TMEM131: variants seen among roughly 807,000 people sequenced by gnomAD.
The protein encoded by TMEM131 is transmembrane protein 131, also known as 2610524E03Rik.
Under a neutral mutation model 211.6 loss-of-function variants are expected in TMEM131, and 66 were observed. That is an observed-to-expected ratio of 0.31 (90% confidence interval 0.26 to 0.38). The LOEUF (loss-of-function observed/expected upper bound fraction) is 0.38, where lower values mean the gene tolerates loss of function less well. Ranked by LOEUF, TMEM131 falls within the 10% of genes least tolerant of loss-of-function variation. TMEM131 has a pLI of 1.00. For synonymous variants in TMEM131, 844 were observed against 841.3 expected, an observed-to-expected ratio of 1.00 and a Z score of -0.06; for missense variants, 2,036 against 2,299.3, an observed-to-expected ratio of 0.89 and a Z score of 2.34.
chr2:97,801,982 A>G, intron 24 of TMEM131, 21 bp from the exon 25 acceptor site: 10 of 1,530,350 alleles, frequency 6.5e-6, no homozygotes, highest in Non-Finnish European at 9.0e-6. Flanking sequence ...AAATGTACAC[A>G]TATTTATTCA....
intron 31 of TMEM131, among the ~76,000 whole-genome samples, chr2:97,781,025 C>T (rs774408201): frequency 7.9e-5 from 12 of 151,948 alleles, no homozygotes; most frequent in East Asian, 1.9e-4. Flanking sequence ...CCTGCTCCCA[C>T]GATCTCCACA....
chr2:97,884,256 A>C (rs1391665885), intron 4 of TMEM131, among the ~76,000 whole-genome samples: 1 of 152,176 alleles, frequency 6.6e-6, no homozygotes, highest in East Asian at 1.9e-4. Flanking sequence ...ATCGATTTCT[A>C]GTTTTAAATT....
chr2:97,785,137 A>C (rs1196738208), intron 31 of TMEM131, among the ~76,000 whole-genome samples: 6 of 152,162 alleles, frequency 3.9e-5, no homozygotes. Flanking sequence ...TCTTCCCCCC[A>C]CTTTAAGTCA....
At chr2:97,963,877 T>C (rs1159637602) in intron 1 of TMEM131, among the ~76,000 whole-genome samples, 1 of 152,368 alleles carries the variant, frequency 6.6e-6, no homozygotes, top group East Asian at 1.9e-4. Context: ...TGCAAATGCA[T>C]AGTGGTAAAT....
At chr2:97,976,936 C>A in intron 1 of TMEM131, among the ~76,000 whole-genome samples, 1 of 123,674 alleles carries the variant, frequency 8.1e-6, no homozygotes, top group Non-Finnish European at 1.6e-5. Context: ...TTAATAGACA[C>A]TAGAAGAACT....
chr2:97,828,406 G>A (rs1425974847), intron 11 of TMEM131, among the ~76,000 whole-genome samples: 2 of 151,746 alleles, frequency 1.3e-5, no homozygotes, highest in Admixed American at 6.6e-5. Context: ...ATCAGACATA[G>A]GGTCTGTGCC....
intron 1 of TMEM131, among the ~76,000 whole-genome samples, chr2:97,972,930 C>T (rs1679370268): frequency 6.6e-6 from 1 of 152,176 alleles, no homozygotes; most frequent in Non-Finnish European, 1.5e-5. Context: ...GAAAGAAATA[C>T]AGTCCTACAA....
intron 1 of TMEM131, among the ~76,000 whole-genome samples, chr2:97,982,443 A>C (rs1473835314): frequency 6.6e-6 from 1 of 151,636 alleles, no homozygotes; most frequent in Non-Finnish European, 1.5e-5. Flanking sequence ...ATTTGCGAAA[A>C]TTTTTCTTCC....
At chr2:97,901,189 A>T (rs944767038) in intron 3 of TMEM131, among the ~76,000 whole-genome samples, 1 of 152,174 alleles carries the variant, frequency 6.6e-6, no homozygotes, top group Non-Finnish European at 1.5e-5. Flanking sequence ...GCTCATATAT[A>T]GGACAGTGGG....
Position 97,795,599 on chromosome 2 carries a change from G to T in TMEM131, c.3201-484C>A, listed in dbSNP as rs192066533. On this transcript the variant is annotated intron_variant, in intron 28 of 40. Coordinates refer to ENST00000186436, the MANE Select transcript of TMEM131 (RefSeq NM_015348.2). ...GAGGAAAGGTGTCTTATTCCTCATT[G>T]CATCTTTAGGTGTCAAACATTATGC... Among the ~76,000 whole-genome samples, 235 of 152,120 alleles carry T rather than the reference G, an allele frequency of 1.5e-3. 2 individuals are homozygous for T. The highest frequency in any genetic ancestry group is 5.5e-3 in the African/African-American group (228 of 41,510).
chr2:97,932,779 G>C (rs1677283396), intron 1 of TMEM131, among the ~76,000 whole-genome samples: 1 of 151,602 alleles, frequency 6.6e-6, no homozygotes, highest in African/African-American at 2.4e-5. Flanking sequence ...TAAAAACTAA[G>C]CTATTACTGG....
At chr2:97,789,803 G>C (rs1299448007) in intron 31 of TMEM131, among the ~76,000 whole-genome samples, 1 of 152,182 alleles carries the variant, frequency 6.6e-6, no homozygotes, top group Non-Finnish European at 1.5e-5. Context: ...AGAAACCAAA[G>C]AAGTACAGAA....
chr2:97,872,569 T>C (rs1674532618), intron 4 of TMEM131, among the ~76,000 whole-genome samples: 2 of 151,634 alleles, frequency 1.3e-5, no homozygotes, highest in African/African-American at 4.8e-5. Flanking sequence ...TGGGACTGGT[T>C]AGACAGTGGG....
chr2:97,861,078 G>A (rs1674048235), intron 4 of TMEM131, among the ~76,000 whole-genome samples: 2 of 152,130 alleles, frequency 1.3e-5, no homozygotes, highest in Non-Finnish European at 1.5e-5. Context: ...CTCAGCGGTC[G>A]CCTGCCCAAG....
intron 1 of TMEM131, among the ~76,000 whole-genome samples, chr2:97,989,962 C>T (rs1050973858): frequency 1.3e-5 from 2 of 152,206 alleles, no homozygotes; most frequent in African/African-American, 4.8e-5. Context: ...TGGAAGTCTG[C>T]GAGAGATTTC....
In TMEM131 at chr2:97,909,188, A is replaced by C. The variant is rs144427043; in HGVS notation, c.250-490T>G. Among the ~76,000 whole-genome samples the C allele has an allele frequency of 8.5e-5, 13 of 152,360 alleles. No individual in the cohort carries two copies. The East Asian group carries it at 2.3e-3, about 27-fold the overall frequency. On this transcript the variant is annotated intron_variant, in intron 2 of 40. Transcript: ENST00000186436. ...GCCATACTTAAACACATCATGAAGG[A>C]AGGCCTGTCTGAAGAGACAATATTT...
intron 33 of TMEM131, among the ~76,000 whole-genome samples, chr2:97,770,933 C>A (rs1559348417): frequency 6.6e-6 from 1 of 152,198 alleles, no homozygotes; most frequent in Non-Finnish European, 1.5e-5. Flanking sequence ...TGATCACTCA[C>A]CTAAGCCTGA....
At chr2:97,966,033 T>A (rs1466347387) in intron 1 of TMEM131, among the ~76,000 whole-genome samples, 1 of 151,816 alleles carries the variant, frequency 6.6e-6, no homozygotes, top group Non-Finnish European at 1.5e-5. Flanking sequence ...AAGCAATTTT[T>A]TAAAAAAAAA....
chr2:97,912,604 GAACA>G (rs1676331650), intron 2 of TMEM131, among the ~76,000 whole-genome samples: 1 of 152,166 alleles, frequency 6.6e-6, no homozygotes, highest in South Asian at 2.1e-4. Context: ...CATCTCTTTA[GAACA>G]GACAAGATAT....
Sources: allele counts gnomAD v4.1 joint callset (sites outside exome capture counted in the v4.1 genomes callset), GRCh38; gene constraint gnomAD v4.1.1; transcripts MANE v1.5; gene names NCBI Gene and HGNC (gene_info 2026-07-23, HGNC 2026-07-21).